Variants in DSCAM observed in about 807,000 individuals in gnomAD.
DSCAM encodes the protein cell adhesion molecule DSCAM.
Under a neutral mutation model 217.7 loss-of-function variants are expected in DSCAM, and 47 were observed. The observed-to-expected ratio is 0.22, with a 90% CI of 0.17 to 0.28. The LOEUF (loss-of-function observed/expected upper bound fraction) is 0.28. Ranked by LOEUF, DSCAM falls within the 10% of genes least tolerant of loss-of-function variation. The pLI is 1.00. For synonymous variants in DSCAM, 1,056 were observed against 1,015.3 expected (o/e 1.04, Z -0.76); for missense variants, 2,080 against 2,618.3 (o/e 0.79, Z 4.49).
chr21:40,577,510 C>T (rs2076862700), intron 3 of DSCAM, among the ~76,000 whole-genome samples: 1 of 152,108 alleles, frequency 6.6e-6, no homozygotes, highest in Admixed American at 6.5e-5. Context: ...GACTGGCTCT[C>T]GCCCAGTGGC....
At chr21:40,191,880 A>G (rs1028715785) in intron 11 of DSCAM, among the ~76,000 whole-genome samples, 21 of 152,306 alleles carry the variant, frequency 1.4e-4, no homozygotes, top group Admixed American at 7.2e-4. Flanking sequence ...GTCTTTTCAC[A>G]TGGACTTCTT....
intron 3 of DSCAM, among the ~76,000 whole-genome samples, chr21:40,404,232 A>C (rs1216023046): frequency 6.6e-6 from 1 of 152,216 alleles, no homozygotes; most frequent in African/African-American, 2.4e-5. Context: ...TGCTGCTACG[A>C]GGCACTTTAC....
intron 3 of DSCAM, among the ~76,000 whole-genome samples, chr21:40,531,332 C>A (rs1169991743): frequency 2.0e-5 from 3 of 152,224 alleles, no homozygotes; most frequent in Non-Finnish European, 4.4e-5. Context: ...AGCCACCACA[C>A]CTGTCTCATT....
chr21:40,511,792 C>G (rs1018559764), intron 3 of DSCAM, among the ~76,000 whole-genome samples: 1 of 151,518 alleles, frequency 6.6e-6, no homozygotes, highest in African/African-American at 2.4e-5. Context: ...GAGATCGAGA[C>G]CATTCTGGCT....
At chr21:40,102,316 C>T (rs957076509) in intron 20 of DSCAM, among the ~76,000 whole-genome samples, 11 of 152,144 alleles carry the variant, frequency 7.2e-5, no homozygotes, top group African/African-American at 2.4e-4. Flanking sequence ...TCCCCAAAGC[C>T]GTATCCAGAG....
chr21:40,605,313 T>A lies in DSCAM; in HGVS notation c.508+87497A>T, dbSNP rs1000343214. 5.3e-5 allele frequency among the ~76,000 whole-genome samples: 8 copies of A among 152,174 alleles called. No homozygotes were observed. In the East Asian group the frequency reaches 1.5e-3, roughly 29 times the overall value. On this transcript the variant is annotated intron_variant, in intron 3 of 32. Coordinates refer to ENST00000400454, the MANE Select transcript of DSCAM (RefSeq NM_001389.5). ...CCTGTCTCTCCAGATTGCAGACCAG[T>A]GGTTTGCCCTGTGACCTCAATCCTC...
At chr21:40,412,165 C>T (rs2075329264) in intron 3 of DSCAM, among the ~76,000 whole-genome samples, 1 of 152,194 alleles carries the variant, frequency 6.6e-6, no homozygotes, top group African/African-American at 2.4e-5. Flanking sequence ...CCAGTTAAAC[C>T]TCTTGCTTTT....
chr21:40,658,446 A>T (rs969103918), intron 3 of DSCAM, among the ~76,000 whole-genome samples: 3 of 152,234 alleles, frequency 2.0e-5, no homozygotes, highest in Admixed American at 6.5e-5. Context: ...AGTAAACACC[A>T]TGTTGAAACT....
At position 40,143,001 on chromosome 21, in the gene DSCAM, AT is replaced by A. The variant is rs2146714542; in HGVS notation, c.3260-298del. On this transcript the variant is annotated intron_variant, in intron 17 of 32. Coordinates refer to ENST00000400454, the MANE Select transcript of DSCAM (RefSeq NM_001389.5). ...GGACTTGAGTCGTGTACCCTTCTTA[AT>A]TTTATTGCCTGAGTAGAAAATCATT... is the stretch of plus-strand genomic sequence containing the variant. Among the ~76,000 whole-genome samples, 2 of 152,096 alleles carry A rather than the reference AT, an allele frequency of 1.3e-5. 1 individual carries two copies. Among genetic ancestry groups the A allele is most frequent in the South Asian group, 4.2e-4 (2 of 4,806 alleles).
chr21:40,686,148 C>T (rs1442455099), intron 3 of DSCAM, among the ~76,000 whole-genome samples: 1 of 149,096 alleles, frequency 6.7e-6, no homozygotes, highest in East Asian at 2.0e-4. Flanking sequence ...ATCACACACA[C>T]CCCCTGCATA....
At chr21:40,545,591 T>G (rs985359828) in intron 3 of DSCAM, among the ~76,000 whole-genome samples, 2 of 152,228 alleles carry the variant, frequency 1.3e-5, no homozygotes, top group South Asian at 4.2e-4. Context: ...TGCCACTGAC[T>G]TTCTGGGAAC....
intron 3 of DSCAM, among the ~76,000 whole-genome samples, chr21:40,406,913 C>A (rs1344678508): frequency 6.6e-6 from 1 of 152,088 alleles, no homozygotes; most frequent in Non-Finnish European, 1.5e-5. Context: ...GCCACCGCAC[C>A]CAGCCTCATA....
chr21:40,796,139 C>T (rs2091689600), intron 1 of DSCAM, among the ~76,000 whole-genome samples: 1 of 152,192 alleles, frequency 6.6e-6, no homozygotes, highest in Admixed American at 6.5e-5. Context: ...TCTTCACTCC[C>T]TTTCCTGCAG....
chr21:40,449,055 C>T (rs2075698470), intron 3 of DSCAM, among the ~76,000 whole-genome samples: 1 of 152,138 alleles, frequency 6.6e-6, no homozygotes, highest in African/African-American at 2.4e-5. Flanking sequence ...AATTTCTTGG[C>T]TTGTGGCCCT....
intron 3 of DSCAM, among the ~76,000 whole-genome samples, chr21:40,373,851 AGTCTAGTCATTT>A (rs2074923634): frequency 6.6e-6 from 1 of 152,200 alleles, no homozygotes; most frequent in Non-Finnish European, 1.5e-5. Flanking sequence ...GTGTGGCCTC[AGTCTAGTCATTT>A]AACTCTAAAC....
At chr21:40,298,084 C>CTTTTTTTTTT (rs59908038) in intron 9 of DSCAM, among the ~76,000 whole-genome samples, 2 of 132,686 alleles carry the variant, frequency 1.5e-5, no homozygotes, top group African/African-American at 2.9e-5. Context: ...TTAGCTTTTA[C>CTTTTTTTTTT]TTTTTTTTTT....
chr21:40,477,505 A>G (rs891009717), intron 3 of DSCAM, among the ~76,000 whole-genome samples: 1 of 152,210 alleles, frequency 6.6e-6, no homozygotes, highest in Non-Finnish European at 1.5e-5. Flanking sequence ...GCCGTGAGTC[A>G]TCTATAATTA....
At chr21:40,109,251 G>T (rs2089863180) in intron 20 of DSCAM, among the ~76,000 whole-genome samples, 1 of 152,180 alleles carries the variant, frequency 6.6e-6, no homozygotes, top group African/African-American at 2.4e-5. Flanking sequence ...CTATGCATCT[G>T]ACAAAGGTCT....
chr21:40,763,834 A>C (rs983450395), intron 1 of DSCAM, among the ~76,000 whole-genome samples: 5 of 152,250 alleles, frequency 3.3e-5, no homozygotes, highest in Non-Finnish European at 7.3e-5. Flanking sequence ...GACAAGAACA[A>C]GCAATGGGGA....
Sources: gnomAD v4.1 joint callset for allele counts (sites outside exome capture counted in the v4.1 genomes callset) on GRCh38, gnomAD v4.1.1 for gene constraint, MANE v1.5 for transcripts, NCBI Gene and HGNC (gene_info 2026-07-23, HGNC 2026-07-21) for gene names.